Variants in FBF1 observed in about 807,000 individuals in gnomAD.
The protein encoded by FBF1 is fas-binding factor 1.
In FBF1, 119 loss-of-function variants were observed where a neutral mutation model predicts 147.2. The ratio of observed to expected loss-of-function variants is 0.81; its 90% CI spans 0.70 to 0.94. The LOEUF (loss-of-function observed/expected upper bound fraction) is 0.94, where lower values mean the gene tolerates loss of function less well. Among genes scored for constraint, FBF1 ranks in the 40% least tolerant of loss-of-function variants. The pLI, the probability that FBF1 is intolerant of heterozygous loss-of-function variation, is 0.00. For missense variants in FBF1, 1,449 were observed against 1,500.8 expected, an observed-to-expected ratio of 0.97 and a Z score of 0.57; for synonymous variants, 601 against 609.0, an observed-to-expected ratio of 0.99 and a Z score of 0.19.
rs899678477 is a variant in FBF1 at position 75,928,803 on chromosome 17, G to A, written c.280-610C>T. 9.2e-5 allele frequency among the ~76,000 whole-genome samples: 14 copies of A among 151,756 alleles called. No homozygotes were observed. The highest frequency in any genetic ancestry group is 2.1e-4 in the Non-Finnish European group (14 of 67,956). The stretch of plus-strand genomic sequence containing the variant: ...AGCCTAGGCAACAGAGCAAGACTCC[G>A]TCTCAAAAAAATAAAAATAAATTAA... On this transcript the variant is annotated intron_variant, in intron 7 of 29. Coordinates refer to ENST00000636174, the MANE Select transcript of FBF1 (RefSeq NM_001319193.2). This position sits in a 1 kb window ranked among gnomAD's most constrained non-coding sequence, Gnocchi z 4.2.
chr17:75,927,745 A>T (rs1237374699), intron 8 of FBF1, among the ~76,000 whole-genome samples: 1 of 152,106 alleles, frequency 6.6e-6, no homozygotes, highest in Non-Finnish European at 1.5e-5. Flanking sequence ...CTTCCTCATC[A>T]TGAGTCACTC....
At position 75,919,937 on chromosome 17, in the gene FBF1, C is replaced by G; in HGVS notation, c.1932-63G>C. 1.9e-6 allele frequency: 3 copies of G among 1,611,180 alleles called. No homozygotes were observed. Among genetic ancestry groups the G allele is most frequent in the Non-Finnish European group, 2.5e-6 (3 of 1,178,034 alleles). ...AGAGGGCTGCCGCCTAAAGGCCTCT[C>G]CAGGCACACTGGGTGGCCTTTGGGG... On this transcript the variant is annotated intron_variant, in intron 19 of 29. Coordinates refer to ENST00000636174, the MANE Select transcript of FBF1 (RefSeq NM_001319193.2). This position sits in a 1 kb window ranked among gnomAD's most constrained non-coding sequence, Gnocchi z 5.0.
Position 75,921,238 on chromosome 17 carries a change from C to A in FBF1, c.1674+6G>T, listed in dbSNP as rs780435396. 6.3e-7 allele frequency: 1 copy of A among 1,580,736 alleles called. No homozygotes were observed. Among genetic ancestry groups the A allele is most frequent in the South Asian group, 1.2e-5 (1 of 86,218 alleles). ...CTGAGCTAGACCTGTCTGCCCACAC[C>A]CCTACCTGGACGGGCACGGAAGGCT... On this transcript the variant is annotated splice_donor_region_variant and intron_variant, in intron 17 of 29. Transcript: ENST00000636174.
upstream of FBF1, chr17:75,913,821 T>A: frequency 6.3e-7 from 1 of 1,599,180 alleles, no homozygotes. Context: ...CAGATGCTCC[T>A]GTCCCCGTTC....
rs755278179 is a variant in FBF1, at chr17:75,918,058, G to A, written c.2259C>T (p.Ser753=). Residue 753 remains serine (S), a synonymous_variant, in exon 22 of 30, where the codon AGC becomes AGT. Coordinates refer to ENST00000636174, the MANE Select transcript of FBF1 (RefSeq NM_001319193.2). The surrounding 1 kb of genome is among the most constrained non-coding windows in gnomAD (Gnocchi z 5.8). ...SATSHTRSLN[S]IIHQMEKFSS... ...AGAACTTCTCCATCTGGTGGATGAT[G>A]CTATTCAGGGACCTGGAAGAAGACT... 1.1e-5 allele frequency: 18 copies of A among 1,609,978 alleles called. No individual in the cohort carries two copies. In the South Asian group the frequency reaches 2.0e-4, roughly 18 times the overall value.
At chr17:75,916,195 C>T (rs750673997) in intron 23 of FBF1, among the ~76,000 whole-genome samples, 1 of 151,552 alleles carries the variant, frequency 6.6e-6, no homozygotes, top group Non-Finnish European at 1.5e-5. Flanking sequence ...GTGGCATGCA[C>T]CTGTGATCCC....
intron 3 of FBF1, among the ~76,000 whole-genome samples, chr17:75,936,685 A>C (rs919901673): frequency 2.8e-4 from 42 of 152,026 alleles, no homozygotes; most frequent in African/African-American, 9.7e-4. Flanking sequence ...AAAAAAAAAA[A>C]CAAAAAAACA....
At chr17:75,921,142 A>T (rs1340834830) in intron 17 of FBF1, 102 bp downstream of exon 17, 38 of 1,256,338 alleles carry the variant, frequency 3.0e-5, no homozygotes, top group Non-Finnish European at 4.5e-6. Context: ...TGTTTGACAC[A>T]TTTTTCCTGG....
rs1304586249 is a variant in FBF1, at chr17:75,919,225, C to T, written c.2138+443G>A. 6.6e-6 allele frequency among the ~76,000 whole-genome samples: 1 copy of T among 152,212 alleles called. No individual in the cohort carries two copies. Among genetic ancestry groups the T allele is most frequent in the Non-Finnish European group, 1.5e-5 (1 of 68,026 alleles). ...CCCGGCCCTGAGCAGTCTTAAAAGG[C>T]TGCCTCTGCCTTCATCGACCTCTGA... On this transcript the variant is annotated intron_variant, in intron 20 of 29. Transcript: ENST00000636174. This position sits in a 1 kb window ranked among gnomAD's most constrained non-coding sequence, Gnocchi z 5.0.
In FBF1 at chr17:75,912,221, G is replaced by A; in HGVS notation, c.3334C>T (p.Leu1112=). 1 of 1,610,686 alleles carries A rather than the reference G, an allele frequency of 6.2e-7. No homozygotes were observed. Among genetic ancestry groups the A allele is most frequent in the South Asian group, 1.1e-5 (1 of 90,372 alleles). ...DPSPLHLHAR[L]ALLRHMAEQD... is the part of the protein sequence containing the mutation. ...TCTGCCATGTGCCTCAGCAGTGCCA[G>A]CCTGGCATGGAGGTGCAAGGGGCTG... The change falls in exon 29 of 30, where the codon CTG becomes TTG. Residue 1112 remains leucine, a synonymous_variant. Coordinates refer to ENST00000636174, the MANE Select transcript of FBF1 (RefSeq NM_001319193.2).
intron 7 of FBF1, 52 bp downstream of exon 7, chr17:75,929,945 A>ACGGCCC: frequency 7.7e-6 from 5 of 650,906 alleles, no homozygotes; most frequent in East Asian, 2.8e-5. Flanking sequence ...AAATATCATG[A>ACGGCCC]CCCCACCCCA....
intron 27 of FBF1, 33 bp from the exon 28 acceptor site, chr17:75,913,852 C>A: frequency 1.3e-6 from 2 of 1,577,594 alleles, no homozygotes; most frequent in African/African-American, 1.3e-5. Flanking sequence ...AAGGACTCAG[C>A]TGTGAGGTGG....
intron 6 of FBF1, among the ~76,000 whole-genome samples, chr17:75,931,024 G>A (rs535335595): frequency 4.2e-4 from 64 of 151,674 alleles, no homozygotes; most frequent in African/African-American, 1.5e-3. Flanking sequence ...GACCCCGGGA[G>A]GCAGAGGTTG....
rs1033190990 is a variant in FBF1, at chr17:75,925,752, G to T, written c.868+278C>A. On this transcript the variant is annotated intron_variant, in intron 12 of 29. Coordinates refer to ENST00000636174, the MANE Select transcript of FBF1 (RefSeq NM_001319193.2). This position sits in a 1 kb window ranked among gnomAD's most constrained non-coding sequence, Gnocchi z 5.0. ...ATGTCCAGAGCAGTGCTTTTCAAAT[G>T]CGAGCTGCTACCCATGAGAGGGCTG... 7.9e-5 allele frequency among the ~76,000 whole-genome samples: 12 copies of T among 152,188 alleles called. No individual in the cohort carries two copies. Among genetic ancestry groups the T allele is most frequent in the African/African-American group, 2.9e-4 (12 of 41,442 alleles).
Position 75,917,746 on chromosome 17 carries a change from G to T in FBF1, c.2491C>A (p.Arg831=), listed in dbSNP as rs150139322. Residue 831 remains arginine (R), a synonymous_variant, in exon 23 of 30, where the codon CGG becomes AGG. Coordinates refer to ENST00000636174, the MANE Select transcript of FBF1 (RefSeq NM_001319193.2). ...ACGGGCCTCACCTGCTCCAGCAGCC[G>T]GCTCTGCTCATTCAGCCGTGCCTCC... ...KMEARLNEQS[R]LLEQERWRVT... 4.3e-4 allele frequency: 686 copies of T among 1,599,916 alleles called. 9 individuals are homozygous for T. The African/African-American group carries it at 7.9e-3, about 18-fold the overall frequency.
intron 5 of FBF1, among the ~76,000 whole-genome samples, chr17:75,932,697 C>T (rs2065601227): frequency 6.6e-6 from 1 of 152,036 alleles, no homozygotes; most frequent in African/African-American, 2.4e-5. Context: ...ACCAGCCTGA[C>T]CAATATGGTG....
At position 75,909,978 on chromosome 17, in the gene FBF1, C is replaced by T; in HGVS notation, c.*745G>A. ...CGTACCCGCTGAGCTGGGCTTTGGGCAGGTGAGCAGCACAGAGGCTTCCCT... is the reference window on the plus strand; with the variant it reads ...CGTACCCGCTGAGCTGGGCTTTGGGTAGGTGAGCAGCACAGAGGCTTCCCT... On this transcript the variant is annotated 3_prime_UTR_variant, in exon 30 of 30. Transcript: ENST00000636174. 2.9e-6 allele frequency: 2 copies of T among 692,638 alleles called. No individual in the cohort carries two copies. Among genetic ancestry groups the T allele is most frequent in the Non-Finnish European group, 5.3e-6 (2 of 378,936 alleles). 42.9% of individuals were successfully genotyped at this position (692,638 alleles called of 1,614,324 possible). A position where few individuals can be genotyped will look rare whatever the true frequency, so the allele number is the denominator to read the frequency against.
At position 75,930,060 on chromosome 17, in the gene FBF1, T is replaced by C; in HGVS notation, c.229-13A>G. 2 of 1,490,126 alleles carry C rather than the reference T, an allele frequency of 1.3e-6. No individual in the cohort carries two copies. Among genetic ancestry groups the C allele is most frequent in the South Asian group, 2.4e-5 (2 of 83,412 alleles). 92.3% of individuals were successfully genotyped at this position (1,490,126 alleles called of 1,614,324 possible). A position where few individuals can be genotyped will look rare whatever the true frequency, so the allele number is the denominator to read the frequency against. On this transcript the variant is annotated splice_polypyrimidine_tract_variant and intron_variant, in intron 6 of 29. Coordinates refer to ENST00000636174, the MANE Select transcript of FBF1 (RefSeq NM_001319193.2). ...AGATACCTGAAACCTAAGTCCACAA[T>C]GAGGGTGAGGACACAGATGAGGAGG...
intron 4 of FBF1, among the ~76,000 whole-genome samples, chr17:75,935,322 G>A (rs960022692): frequency 4.6e-5 from 7 of 152,036 alleles, no homozygotes; most frequent in Non-Finnish European, 1.0e-4. Flanking sequence ...CCGCCACTAT[G>A]CCCAGCTAAT....
Sources: gnomAD v4.1 joint callset for allele counts (sites outside exome capture counted in the v4.1 genomes callset) on GRCh38, gnomAD v4.1.1 for gene constraint, Gnocchi (gnomAD v3.1) non-coding constraint, MANE v1.5 for transcripts, NCBI Gene and HGNC (gene_info 2026-07-23, HGNC 2026-07-21) for gene names.